Variants in PAPPA observed in about 807,000 individuals in gnomAD.
PAPPA encodes pappalysin-1.
In PAPPA, 60 loss-of-function variants were observed where a neutral mutation model predicts 164.0. The observed-to-expected ratio is 0.37, with a 90% CI of 0.30 to 0.45. The LOEUF (loss-of-function observed/expected upper bound fraction) is 0.45, where lower values mean the gene tolerates loss of function less well. Among genes scored for constraint, PAPPA ranks in the 20% least tolerant of loss-of-function variants. PAPPA has a pLI of 1.00. For synonymous variants in PAPPA, 875 were observed against 814.1 expected (o/e 1.07, Z -1.27); for missense variants, 1,782 against 2,087.3 (o/e 0.85, Z 2.85).
intron 2 of PAPPA, among the ~76,000 whole-genome samples, chr9:116,206,726 G>A (rs1166308731): frequency 1.3e-5 from 2 of 152,136 alleles, no homozygotes; most frequent in African/African-American, 2.4e-5. Context: ...GGAGGTGGAC[G>A]AGTATGGAGA....
chr9:116,226,945 C>A (rs1296838351), intron 5 of PAPPA, among the ~76,000 whole-genome samples: 1 of 152,180 alleles, frequency 6.6e-6, no homozygotes, highest in Non-Finnish European at 1.5e-5. Flanking sequence ...TTTAATCCAG[C>A]CCTCTTATTT....
intron 1 of PAPPA, among the ~76,000 whole-genome samples, chr9:116,158,369 G>A (rs1843627529): frequency 6.6e-6 from 1 of 152,172 alleles, no homozygotes; most frequent in African/African-American, 2.4e-5. Context: ...CCCAGTATCT[G>A]TAGTCCTACC....
chr9:116,322,768 C>T (rs10817871), intron 10 of PAPPA, among the ~76,000 whole-genome samples: 89,352 of 149,840 alleles, frequency 0.6, 27,443 homozygotes, highest in Middle Eastern at 0.73. Context: ...TATTGAGAAA[C>T]ACTGGCTGGC....
chr9:116,245,681 T>C (rs1369306367), intron 7 of PAPPA, among the ~76,000 whole-genome samples: 1 of 152,224 alleles, frequency 6.6e-6, no homozygotes, highest in Admixed American at 6.5e-5. Flanking sequence ...AATAGAGGAA[T>C]ATATTTTAAT....
At chr9:116,351,926 T>A (rs558046342) in intron 15 of PAPPA, among the ~76,000 whole-genome samples, 1 of 152,298 alleles carries the variant, frequency 6.6e-6, no homozygotes. Context: ...AAACACAAGT[T>A]TCAGGTCCTC....
chr9:116,258,872 G>A (rs1429046473), intron 7 of PAPPA, among the ~76,000 whole-genome samples: 6 of 152,132 alleles, frequency 3.9e-5, no homozygotes, highest in Admixed American at 3.9e-4. Flanking sequence ...GGTGGCTTAC[G>A]CCTGTAATCC....
Position 116,235,453 on chromosome 9 carries a change from G to T in PAPPA, c.2548G>T (p.Val850Leu), listed in dbSNP as rs1490604852. 3 of 1,613,108 alleles carry T rather than the reference G, an allele frequency of 1.9e-6. No homozygotes were observed. The highest frequency in any genetic ancestry group is 1.3e-5 in the African/African-American group (1 of 74,776). Reference protein sequence around the residue: ...TIRLWDVGEEVYGIQIYTLDE... With the variant: ...TIRLWDVGEELYGIQIYTLDE... ...CAGACTCTGGGACGTGGGCGAGGAG[G>T]TGTATGGCATCCAAATCTACACGCT... Residue 850 changes from valine to leucine, a missense_variant, in exon 7 of 22, where the codon GTG (valine) becomes TTG (leucine). By Grantham distance (32) the Val-to-Leu change is conservative. Transcript: ENST00000328252.
intron 9 of PAPPA, among the ~76,000 whole-genome samples, chr9:116,284,734 G>T (rs988536838): frequency 6.6e-6 from 1 of 151,906 alleles, no homozygotes; most frequent in African/African-American, 2.4e-5. Flanking sequence ...TTAAACAGAA[G>T]CTTGGGAAAC....
intron 20 of PAPPA, among the ~76,000 whole-genome samples, chr9:116,381,035 T>C (rs1212730489): frequency 6.6e-6 from 1 of 152,034 alleles, no homozygotes; most frequent in Non-Finnish European, 1.5e-5. Context: ...TTAATCAGAG[T>C]GGTTTCACTT....
At chr9:116,265,030 G>A (rs909303074) in intron 7 of PAPPA, among the ~76,000 whole-genome samples, 4 of 152,066 alleles carry the variant, frequency 2.6e-5, no homozygotes, top group African/African-American at 9.7e-5. Context: ...TTGGAATTGC[G>A]ATTCCCAGGA....
At chr9:116,291,195 T>A in intron 9 of PAPPA, among the ~76,000 whole-genome samples, 1 of 152,186 alleles carries the variant, frequency 6.6e-6, no homozygotes, top group Admixed American at 6.5e-5. Context: ...AAGTTCCAAT[T>A]CATAAGACTG....
chr9:116,272,011 CTG>C (rs1845143193), intron 9 of PAPPA, among the ~76,000 whole-genome samples: 1 of 152,214 alleles, frequency 6.6e-6, no homozygotes, highest in Non-Finnish European at 1.5e-5. Context: ...GCAGACCAGC[CTG>C]TGTTTAGAAA....
rs904544129 is a variant in PAPPA at position 116,203,975 on chromosome 9, G to A, written c.1479-3481G>A. ...TGAGGTTGTAGAAGGAAGAAGGCTG[G>A]GTAATGAGGAAGAGACACTGAAAGC... On this transcript the variant is annotated intron_variant, in intron 2 of 21. Transcript: ENST00000328252. Among the ~76,000 whole-genome samples the A allele has an allele frequency of 6.3e-4, 96 of 152,246 alleles. 1 individual carries two copies. Among genetic ancestry groups the A allele is most frequent in the African/African-American group, 2.3e-3 (94 of 41,536 alleles).
chr9:116,239,540 C>T (rs1163229473), intron 7 of PAPPA, among the ~76,000 whole-genome samples: 2 of 152,124 alleles, frequency 1.3e-5, no homozygotes, highest in African/African-American at 2.4e-5. Flanking sequence ...CCAGAGGAAA[C>T]CTCACTGGCT....
At chr9:116,259,149 AAAT>A (rs748327371) in intron 7 of PAPPA, among the ~76,000 whole-genome samples, 2 of 151,284 alleles carry the variant, frequency 1.3e-5, no homozygotes, top group Non-Finnish European at 2.9e-5. Flanking sequence ...TAATAATAGT[AAAT>A]AATAATAATA....
chr9:116,335,295 A>C (rs10983111), intron 13 of PAPPA, among the ~76,000 whole-genome samples: 145,376 of 152,136 alleles, frequency 0.96, 69,839 homozygotes, highest in East Asian at 1. Flanking sequence ...AAAGAACCTC[A>C]TTCACCTGGC....
At chr9:116,353,489 A>G (rs1846311051) in intron 16 of PAPPA, 133 bp from the exon 17 acceptor site, 3 of 755,056 alleles carry the variant, frequency 4.0e-6, no homozygotes, top group Non-Finnish European at 6.7e-6. Flanking sequence ...GGGTCCCACC[A>G]GAACCCAATA....
chr9:116,272,552 A>G (rs1027470813), intron 9 of PAPPA, among the ~76,000 whole-genome samples: 4 of 152,182 alleles, frequency 2.6e-5, no homozygotes, highest in Admixed American at 6.5e-5. Flanking sequence ...CTCAACACGC[A>G]TTTGTTGAGC....
intron 6 of PAPPA, among the ~76,000 whole-genome samples, chr9:116,228,684 G>T (rs1844547557): frequency 6.6e-6 from 1 of 152,166 alleles, no homozygotes; most frequent in Non-Finnish European, 1.5e-5. Context: ...AAAGCCCTCA[G>T]TTCAGCCTCA....
Sources: gnomAD v4.1 joint callset for allele counts (sites outside exome capture counted in the v4.1 genomes callset) on GRCh38, gnomAD v4.1.1 for gene constraint, MANE v1.5 for transcripts, NCBI Gene and HGNC (gene_info 2026-07-23, HGNC 2026-07-21) for gene names.